The following ADAM12 variants were observed in gnomAD, a reference collection of about 807,000 sequenced individuals.
The protein encoded by ADAM12 is ADAM metallopeptidase domain 12.
Under a neutral mutation model 106.4 loss-of-function variants are expected in ADAM12, and 70 were observed. That is an observed-to-expected ratio of 0.66 (90% CI 0.54 to 0.80). ADAM12 has a LOEUF of 0.80. Among genes scored for constraint, ADAM12 ranks in the 30% least tolerant of loss-of-function variants. The pLI is 0.00. For synonymous variants in ADAM12, 420 were observed against 433.5 expected, an observed-to-expected ratio of 0.97 and a Z score of 0.39; for missense variants, 1,010 against 1,171.9, an observed-to-expected ratio of 0.86 and a Z score of 2.02.
At chr10:126,330,333 G>T in intron 2 of ADAM12, 79 bp downstream of exon 2, 2 of 1,194,820 alleles carry the variant, frequency 1.7e-6, no homozygotes, top group Non-Finnish European at 2.4e-6. Flanking sequence ...GACAACCCTT[G>T]AATGAGAGAA....
rs1856759722 is a variant in ADAM12, at chr10:126,388,381, A to G, written c.-236T>C. The G allele has an allele frequency of 4.7e-6, 2 of 426,928 alleles. No individual in the cohort carries two copies. Among genetic ancestry groups the G allele is most frequent in the Non-Finnish European group, 7.3e-6 (2 of 274,178 alleles). 26.4% of individuals were successfully genotyped at this position (426,928 alleles called of 1,614,324 possible). A position where few individuals can be genotyped will look rare whatever the true frequency, so the allele number is the denominator to read the frequency against. On this transcript the variant is annotated 5_prime_UTR_variant, in exon 1 of 23. Transcript: ENST00000448723. The surrounding 1 kb of genome is among the most constrained non-coding windows in gnomAD (Gnocchi z 4.4). ...GTGCGCGCGCGCGCGCCGTTCTGGCACAAGCCAGCCTTGACCGTTGCAATA... is the reference window on the plus strand; with the variant it reads ...GTGCGCGCGCGCGCGCCGTTCTGGCGCAAGCCAGCCTTGACCGTTGCAATA...
intron 4 of ADAM12, among the ~76,000 whole-genome samples, chr10:126,152,851 A>C (rs1956753022): frequency 6.6e-6 from 1 of 152,202 alleles, no homozygotes; most frequent in Non-Finnish European, 1.5e-5. Context: ...CACTCTTATC[A>C]AAATCTAAAG....
intron 5 of ADAM12, among the ~76,000 whole-genome samples, chr10:126,130,786 C>G (rs556399783): frequency 3.1e-4 from 47 of 152,326 alleles, no homozygotes; most frequent in African/African-American, 7.9e-4. Flanking sequence ...AGGCCAAGCC[C>G]TATGGGAGGA....
intron 3 of ADAM12, among the ~76,000 whole-genome samples, chr10:126,165,414 C>T (rs1049290594): frequency 7.9e-5 from 12 of 152,230 alleles, no homozygotes; most frequent in African/African-American, 2.7e-4. Flanking sequence ...ATCTCAGCCT[C>T]CCAAAGTGCT....
chr10:126,038,906 A>T (rs546386048), intron 19 of ADAM12, among the ~76,000 whole-genome samples: 1 of 151,790 alleles, frequency 6.6e-6, no homozygotes, highest in South Asian at 2.1e-4. Context: ...TTGCTAAAAA[A>T]ATGAAGTGAG....
chr10:126,045,942 CAATA>C, intron 17 of ADAM12, 109 bp downstream of exon 17: 1 of 897,294 alleles, frequency 1.1e-6, no homozygotes, highest in Admixed American at 2.0e-5. Flanking sequence ...ATTTCAAACA[CAATA>C]ACTGCTCTAT....
chr10:126,054,328 C>CT (rs1954579822), intron 14 of ADAM12, among the ~76,000 whole-genome samples: 1 of 152,184 alleles, frequency 6.6e-6, no homozygotes, highest in South Asian at 2.1e-4. Context: ...ATGCACCTGC[C>CT]TTTTTTTAAA....
chr10:126,286,453 A>C (rs7083626), intron 2 of ADAM12, among the ~76,000 whole-genome samples: 31,648 of 152,098 alleles, frequency 0.21, 3,948 homozygotes, highest in African/African-American at 0.35. Context: ...ATTTTTCAAG[A>C]AGAACAACAA....
In ADAM12 at chr10:126,200,941, GA is replaced by G. The variant is rs562971506; in HGVS notation, c.261-45637del. Among the ~76,000 whole-genome samples, 199 of 152,312 alleles carry G rather than the reference GA, an allele frequency of 1.3e-3. 2 individuals are homozygous for G. The highest frequency in any genetic ancestry group is 4.5e-3 in the African/African-American group (186 of 41,564). On this transcript the variant is annotated intron_variant, in intron 3 of 22. Transcript: ENST00000448723. ...GCACAGATATTGTAAATGGCACATG[GA>G]ATGTTCTAGAAACAGTAGACCAGTC...
chr10:126,161,937 G>T (rs1391435020), intron 3 of ADAM12, among the ~76,000 whole-genome samples: 1 of 152,166 alleles, frequency 6.6e-6, no homozygotes, highest in South Asian at 2.1e-4. Context: ...ATTAGATTAG[G>T]CGATCTAACA....
At chr10:126,188,847 C>T (rs1957446419) in intron 3 of ADAM12, among the ~76,000 whole-genome samples, 1 of 152,142 alleles carries the variant, frequency 6.6e-6, no homozygotes, top group South Asian at 2.1e-4. Flanking sequence ...AATCATCCAT[C>T]CATAATCCAT....
chr10:126,358,018 C>G (rs1247507742), intron 1 of ADAM12, among the ~76,000 whole-genome samples: 3 of 151,994 alleles, frequency 2.0e-5, no homozygotes, highest in Non-Finnish European at 2.9e-5. Flanking sequence ...ACAAACACCT[C>G]AAAAGTAAAG....
At chr10:126,021,072 G>C (rs1268376647) in intron 21 of ADAM12, among the ~76,000 whole-genome samples, 1 of 151,952 alleles carries the variant, frequency 6.6e-6, no homozygotes, top group East Asian at 1.9e-4. Flanking sequence ...CCATGAGAGA[G>C]GGGTTCATTG....
intron 3 of ADAM12, among the ~76,000 whole-genome samples, chr10:126,235,244 C>G (rs938889262): frequency 6.6e-6 from 1 of 152,234 alleles, no homozygotes; most frequent in Non-Finnish European, 1.5e-5. Context: ...CCTGGCCTGA[C>G]TGACCGGTGA....
chr10:126,092,370 A>C lies in ADAM12; in HGVS notation c.1145+1615T>G, dbSNP rs1397466045. 2.6e-5 allele frequency among the ~76,000 whole-genome samples: 4 copies of C among 152,200 alleles called. No individual in the cohort carries two copies. The East Asian group carries it at 7.7e-4, about 29-fold the overall frequency. On this transcript the variant is annotated intron_variant, in intron 11 of 22. Coordinates refer to ENST00000448723, the MANE Select transcript of ADAM12 (RefSeq NM_001288973.2). ...AGTCACCCAGCGTGTGGCCCAGCAT[A>C]GCGATCAGGGCTTGTGAAATGTTGG...
intron 18 of ADAM12, among the ~76,000 whole-genome samples, chr10:126,040,701 G>GT (rs1270067162): frequency 6.6e-6 from 1 of 152,122 alleles, no homozygotes; most frequent in Non-Finnish European, 1.5e-5. Context: ...TCATAACAAA[G>GT]TTAATTAAAG....
rs920881865 is a variant in ADAM12 at position 126,376,256 on chromosome 10, TA to T, written c.88+11801del. Among the ~76,000 whole-genome samples, 29 of 151,698 alleles carry T rather than the reference TA, an allele frequency of 1.9e-4. No homozygotes were observed. The East Asian group carries it at 1.9e-3, about 10-fold the overall frequency. On this transcript the variant is annotated intron_variant, in intron 1 of 22. Coordinates refer to ENST00000448723, the MANE Select transcript of ADAM12 (RefSeq NM_001288973.2). Reference sequence around the variant, plus strand: ...TACCTATGATTTGAATCATCAGGATTAAAAAAAAATTGAGCAAGATTTCTGA... The same window carrying T: ...TACCTATGATTTGAATCATCAGGATTAAAAAAAATTGAGCAAGATTTCTGA...
rs1415569444 is a variant in ADAM12 at position 126,294,206 on chromosome 10, A to G, written c.187-15218T>C. Among the ~76,000 whole-genome samples, 4 of 152,216 alleles carry G rather than the reference A, an allele frequency of 2.6e-5. No homozygotes were observed. The South Asian group carries it at 6.2e-4, about 24-fold the overall frequency. ...CTGAGAGTCAATCTTGATTTTTGCT[A>G]CAAAGTCAAAGTCATCATTACATGG... On this transcript the variant is annotated intron_variant, in intron 2 of 22. Transcript: ENST00000448723.
intron 21 of ADAM12, among the ~76,000 whole-genome samples, chr10:126,024,590 C>T (rs1953833430): frequency 6.6e-6 from 1 of 152,014 alleles, no homozygotes; most frequent in Non-Finnish European, 1.5e-5. Flanking sequence ...AAAGCAAGTA[C>T]TATTATTTCA....
Sources: allele counts gnomAD v4.1 joint callset (sites outside exome capture counted in the v4.1 genomes callset), GRCh38; gene constraint gnomAD v4.1.1; non-coding constraint Gnocchi (gnomAD v3.1); transcripts MANE v1.5; gene names NCBI Gene and HGNC (gene_info 2026-07-23, HGNC 2026-07-21).